IREB2: variants seen among roughly 807,000 people sequenced by gnomAD.
IREB2 encodes the protein iron-responsive element-binding protein 2.
A neutral mutation model predicts 118.8 loss-of-function variants in IREB2; 39 were observed. That is an observed-to-expected ratio of 0.33 (90% CI 0.25 to 0.43). The LOEUF is 0.43. Ranked by LOEUF, IREB2 falls within the 20% of genes least tolerant of loss-of-function variation. The pLI is 1.00. For synonymous variants in IREB2, 372 were observed against 392.2 expected (o/e 0.95, Z 0.61); for missense variants, 900 against 1,147.3 (o/e 0.78, Z 3.11).
chr15:78,443,309 A>T (rs2050874818), intron 2 of IREB2, among the ~76,000 whole-genome samples: 1 of 152,206 alleles, frequency 6.6e-6, no homozygotes, highest in South Asian at 2.1e-4. Flanking sequence ...CATAGATAAG[A>T]TGGGGTACTG....
intron 3 of IREB2, among the ~76,000 whole-genome samples, chr15:78,464,045 T>C (rs944719756): frequency 6.6e-6 from 1 of 152,248 alleles, no homozygotes; most frequent in African/African-American, 2.4e-5. Flanking sequence ...ATATATCTTG[T>C]GTCCAATTAT....
chr15:78,488,505 A>G lies in IREB2; in HGVS notation c.1952-142A>G, dbSNP rs2051696641. The G allele has an allele frequency of 1.4e-5, 13 of 958,834 alleles. No individual in the cohort carries two copies. The East Asian group carries it at 2.7e-4, about 20-fold the overall frequency. 59.4% of individuals were successfully genotyped at this position (958,834 alleles called of 1,614,324 possible). A position where few individuals can be genotyped will look rare whatever the true frequency, so the allele number is the denominator to read the frequency against. ...TTTATGTGAAGAAAATAAAATGTAC[A>G]GGTAATTAGTTCTTCCAGCCGCTTA... On this transcript the variant is annotated intron_variant, in intron 15 of 21. Transcript: ENST00000258886.
chr15:78,449,816 G>A (rs2050993176), intron 2 of IREB2, among the ~76,000 whole-genome samples: 1 of 151,822 alleles, frequency 6.6e-6, no homozygotes, highest in Non-Finnish European at 1.5e-5. Context: ...TTTTTTCAGA[G>A]CCGAACCACC....
intron 16 of IREB2, among the ~76,000 whole-genome samples, 167 bp downstream of exon 16, chr15:78,488,938 G>A (rs569577515): frequency 1.3e-5 from 2 of 152,248 alleles, no homozygotes; most frequent in East Asian, 3.9e-4. Context: ...AGAAAATGGC[G>A]GCTGGGCACA....
In IREB2 at chr15:78,494,074, G is replaced by GT. The variant is rs1233961175; in HGVS notation, c.2472+19dup. On this transcript the variant is annotated intron_variant, in intron 19 of 21. Coordinates refer to ENST00000258886, the MANE Select transcript of IREB2 (RefSeq NM_004136.4). ...GACAGACGGTGAGAATGCAAACAAA[G>GT]TATTTAGACAATTTATAACTGGATC... is the stretch of plus-strand genomic sequence containing the variant. 1.2e-6 allele frequency: 2 copies of GT among 1,613,346 alleles called. No individual in the cohort carries two copies. Among genetic ancestry groups the GT allele is most frequent in the South Asian group, 2.2e-5 (2 of 91,006 alleles).
At chr15:78,441,997 C>G (rs113841988) in intron 2 of IREB2, among the ~76,000 whole-genome samples, 6,480 of 152,092 alleles carry the variant, frequency 0.043, 450 homozygotes, top group African/African-American at 0.14. Context: ...GCCTCTGCCT[C>G]CTGAGTTCAA....
intron 11 of IREB2, 25 bp from the exon 12 acceptor site, chr15:78,484,736 T>G (rs1467348644): frequency 6.3e-7 from 1 of 1,579,544 alleles, no homozygotes; most frequent in Non-Finnish European, 8.7e-7. Context: ...ATATTTAGTT[T>G]ATATTTTTGT....
chr15:78,471,953 T>A, intron 7 of IREB2, 29 bp downstream of exon 7: 1 of 1,463,236 alleles, frequency 6.8e-7, no homozygotes, highest in South Asian at 1.5e-5. Context: ...ATATTTCATT[T>A]CTTTTGGGGT....
In IREB2 at chr15:78,462,901, A is replaced by G. The variant is rs185863924; in HGVS notation, c.107-21A>G. The G allele has an allele frequency of 9.9e-5, 154 of 1,551,822 alleles. No individual in the cohort carries two copies. In the East Asian group the frequency reaches 2.9e-3, roughly 29 times the overall value. On this transcript the variant is annotated intron_variant, in intron 2 of 21. Transcript: ENST00000258886. ...TAGGTATGACTGTTTGCTTATTAAT[A>G]GTAATATTTTCTTGAATCAGATGTT... is the stretch of plus-strand genomic sequence containing the variant.
rs185407865 is a variant in IREB2, at chr15:78,500,745, A to T, written c.*2602A>T. 4.6e-5 allele frequency: 7 copies of T among 152,338 alleles called. No homozygotes were observed. In the East Asian group the frequency reaches 1.2e-3, roughly 25 times the overall value. 9.4% of individuals were successfully genotyped at this position (152,338 alleles called of 1,614,324 possible). A position where few individuals can be genotyped will look rare whatever the true frequency, so the allele number is the denominator to read the frequency against. The stretch of plus-strand genomic sequence containing the variant: ...AATGGAATCAATGGAAATGTCATCC[A>T]GCCACTGAATTGCCATTATTATATC... On this transcript the variant is annotated 3_prime_UTR_variant, in exon 22 of 22. Transcript: ENST00000258886.
rs2051702735 is a variant in IREB2, at chr15:78,488,753, A to G, written c.2058A>G (p.Ala686=). ...EEHVILSMFK[A]LKDKIEMGNK... ...ATGTTATACTATCCATGTTTAAAGC[A>G]TTAAAAGATAAAATAGAAGTAAGAG... is the stretch of plus-strand genomic sequence containing the variant. Residue 686 remains alanine (A), a synonymous_variant, in exon 16 of 22, where the codon GCA becomes GCG. Coordinates refer to ENST00000258886, the MANE Select transcript of IREB2 (RefSeq NM_004136.4). The G allele has an allele frequency of 6.5e-7, 1 of 1,528,166 alleles. No homozygotes were observed. Among genetic ancestry groups the G allele is most frequent in the African/African-American group, 1.4e-5 (1 of 72,666 alleles). The allele number at this position is 1,528,166 out of a possible 1,614,324, so 94.7% of individuals were successfully genotyped here.
chr15:78,493,086 C>T (rs144851273), intron 18 of IREB2, among the ~76,000 whole-genome samples: 145 of 152,234 alleles, frequency 9.5e-4, no homozygotes, highest in African/African-American at 3.3e-3. Context: ...TATCAAACCA[C>T]TGGATCTGAC....
intron 2 of IREB2, among the ~76,000 whole-genome samples, chr15:78,459,037 G>A (rs2051152789): frequency 6.6e-6 from 1 of 151,940 alleles, no homozygotes; most frequent in South Asian, 2.1e-4. Flanking sequence ...CTGGACTCAA[G>A]CAGTCCCCCC....
rs187220807 is a variant in IREB2 at position 78,456,764 on chromosome 15, A to G, written c.107-6158A>G. ...TTAAATAAGAATTTTTTAATACCCT[A>G]CTTGTTAAATTATAACTAAAACAGT... On this transcript the variant is annotated intron_variant, in intron 2 of 21. Transcript: ENST00000258886. Among the ~76,000 whole-genome samples the G allele has an allele frequency of 7.2e-5, 11 of 152,082 alleles. No homozygotes were observed. In the East Asian group the frequency reaches 2.1e-3, roughly 29 times the overall value.
chr15:78,476,084 C>A (rs2051464615), intron 8 of IREB2, 104 bp from the exon 9 acceptor site: 1 of 718,154 alleles, frequency 1.4e-6, no homozygotes, highest in Non-Finnish European at 2.2e-6. Flanking sequence ...CATTCCTTCA[C>A]CATCACTAGT....
At chr15:78,484,174 T>G (rs908328587) in intron 11 of IREB2, among the ~76,000 whole-genome samples, 1 of 152,078 alleles carries the variant, frequency 6.6e-6, no homozygotes, top group Admixed American at 6.5e-5. Flanking sequence ...AATCACAGTT[T>G]TAGTCTTGTC....
At chr15:78,475,167 G>T (rs188635078) in intron 8 of IREB2, 2 of 151,766 alleles carry the variant, frequency 1.3e-5, no homozygotes, top group East Asian at 3.9e-4. Context: ...GTGATCCCTG[G>T]CACTTATAAA....
intron 2 of IREB2, among the ~76,000 whole-genome samples, chr15:78,455,428 T>C (rs556137848): frequency 6.2e-4 from 94 of 152,236 alleles, no homozygotes; most frequent in African/African-American, 2.0e-3. Flanking sequence ...AGAATTAATA[T>C]TGTTGAAAAA....
At chr15:78,484,726 A>G (rs367736660) in intron 11 of IREB2, 35 bp from the exon 12 acceptor site, 8 of 1,523,976 alleles carry the variant, frequency 5.2e-6, no homozygotes, top group Non-Finnish European at 7.3e-6. Context: ...CATACCCAGA[A>G]TATTTAGTTT....
Sources: gnomAD v4.1 joint callset for allele counts (sites outside exome capture counted in the v4.1 genomes callset) on GRCh38, gnomAD v4.1.1 for gene constraint, MANE v1.5 for transcripts, NCBI Gene and HGNC (gene_info 2026-07-23, HGNC 2026-07-21) for gene names.